Variants in FGF9 observed in about 807,000 individuals in gnomAD.
FGF9 encodes the protein fibroblast growth factor 9, also known as fibroblast growth factor 9 (glia-activating factor).
FGF9 carries 3 observed loss-of-function variants against 19.9 expected under a neutral mutation model. The observed-to-expected ratio is 0.15, with a 90% CI of 0.07 to 0.39. The LOEUF is 0.39. Among genes scored for constraint, FGF9 ranks in the 10% least tolerant of loss-of-function variants. The pLI, the probability that FGF9 is intolerant of heterozygous loss-of-function variation, is 1.00. For synonymous variants in FGF9, 107 were observed against 106.9 expected, an observed-to-expected ratio of 1.00 and a Z score of -0.01; for missense variants, 175 against 256.8, an observed-to-expected ratio of 0.68 and a Z score of 2.18.
chr13:21,682,379 T>C (rs1872061235), intron 2 of FGF9, among the ~76,000 whole-genome samples: 2 of 152,140 alleles, frequency 1.3e-5, no homozygotes, highest in Admixed American at 6.6e-5. Context: ...AAAAGAAGCT[T>C]AGAATGAGGA....
intron 2 of FGF9, among the ~76,000 whole-genome samples, chr13:21,687,636 G>A (rs1872192189): frequency 6.6e-6 from 1 of 152,184 alleles, no homozygotes; most frequent in Admixed American, 6.5e-5. Flanking sequence ...ACCTCAGGAT[G>A]ACTTGTTCCC....
rs963022623 is a variant in FGF9, at chr13:21,701,560, A to G, written c.*125A>G. 9.9e-6 allele frequency: 13 copies of G among 1,309,002 alleles called. No individual in the cohort carries two copies. The highest frequency in any genetic ancestry group is 4.4e-5 in the African/African-American group (3 of 68,286). 81.1% of individuals were successfully genotyped at this position (1,309,002 alleles called of 1,614,324 possible). ...ACTGTTGCCAAACTTTGTCGCATGC[A>G]TAATGTATGATGGAGGCTTGGATGG... On this transcript the variant is annotated 3_prime_UTR_variant, in exon 3 of 3. Transcript: ENST00000382353.
In FGF9 at chr13:21,702,864, A is replaced by T. The variant is rs1872578480; in HGVS notation, c.*1429A>T. ...ATGACAATGAGGGGGAAAGTATTAT[A>T]CTTGTTGACTGTGTTTTGTTTTTTA... On this transcript the variant is annotated 3_prime_UTR_variant, in exon 3 of 3. Transcript: ENST00000382353. 6.6e-6 allele frequency: 1 copy of T among 152,228 alleles called. No individual in the cohort carries two copies. 9.4% of individuals were successfully genotyped at this position (152,228 alleles called of 1,614,324 possible). A position where few individuals can be genotyped will look rare whatever the true frequency, so the allele number is the denominator to read the frequency against.
chr13:21,701,735 G>GTGTGTA lies in FGF9; in HGVS notation c.*306_*311dup, dbSNP rs1182202290. 5 of 381,204 alleles carry GTGTGTA rather than the reference G, an allele frequency of 1.3e-5. No individual in the cohort carries two copies. The highest frequency in any genetic ancestry group is 9.8e-5 in the South Asian group (4 of 40,712). 23.6% of individuals were successfully genotyped at this position (381,204 alleles called of 1,614,324 possible). A position where few individuals can be genotyped will look rare whatever the true frequency, so the allele number is the denominator to read the frequency against. On this transcript the variant is annotated 3_prime_UTR_variant, in exon 3 of 3. Transcript: ENST00000382353. ...TGTGTGTGTGTGTGTGTGTGTGTGT[G>GTGTGTA]TGTGTATGTGTGTAGCGGGAGATGT...
chr13:21,679,782 C>CAAAAA (rs760146847), intron 1 of FGF9, among the ~76,000 whole-genome samples: 3 of 52,436 alleles, frequency 5.7e-5, no homozygotes, highest in African/African-American at 2.0e-4. Context: ...ACTAAAAATA[C>CAAAAA]AAAAAAAAAA....
At chr13:21,701,072 TA>T in intron 2 of FGF9, 117 bp from the exon 3 acceptor site, 1 of 776,140 alleles carries the variant, frequency 1.3e-6, no homozygotes, top group South Asian at 1.5e-5. Flanking sequence ...GCAGGTTTGT[TA>T]AATAGATAAA....
At chr13:21,695,141 C>A (rs1229560934) in intron 2 of FGF9, among the ~76,000 whole-genome samples, 1 of 151,618 alleles carries the variant, frequency 6.6e-6, no homozygotes. Flanking sequence ...CAGCCTGGGA[C>A]CCATATCATT....
At chr13:21,688,506 G>A (rs999388816) in intron 2 of FGF9, among the ~76,000 whole-genome samples, 7 of 152,344 alleles carry the variant, frequency 4.6e-5, no homozygotes, top group Admixed American at 1.3e-4. Context: ...TGGTTTTAGA[G>A]ACGAGGAGGT....
At chr13:21,693,687 G>A (rs1872343628) in intron 2 of FGF9, among the ~76,000 whole-genome samples, 1 of 152,160 alleles carries the variant, frequency 6.6e-6, no homozygotes, top group South Asian at 2.1e-4. Context: ...GCCAACATTG[G>A]GAAGAGGATG....
chr13:21,675,501 G>T (rs745386859), intron 1 of FGF9, among the ~76,000 whole-genome samples: 1 of 152,048 alleles, frequency 6.6e-6, no homozygotes, highest in East Asian at 2.0e-4. Flanking sequence ...GGCGCCGGGA[G>T]GGGGCGAGGG....
intron 2 of FGF9, among the ~76,000 whole-genome samples, chr13:21,693,321 G>A (rs886958772): frequency 6.6e-6 from 1 of 152,064 alleles, no homozygotes; most frequent in African/African-American, 2.4e-5. Context: ...AGGGTGCCAG[G>A]GACAGCCTCA....
At chr13:21,695,359 C>T (rs1872384036) in intron 2 of FGF9, among the ~76,000 whole-genome samples, 1 of 152,052 alleles carries the variant, frequency 6.6e-6, no homozygotes, top group South Asian at 2.1e-4. Context: ...ATTGTTCCCA[C>T]AATTCTGGTG....
chr13:21,683,456 G>A (rs1199697736), intron 2 of FGF9, among the ~76,000 whole-genome samples: 1 of 152,178 alleles, frequency 6.6e-6, no homozygotes. Context: ...AAGCCCAGCT[G>A]TCTTCTTAGG....
chr13:21,693,798 G>T (rs1395938358), intron 2 of FGF9, among the ~76,000 whole-genome samples: 1 of 152,126 alleles, frequency 6.6e-6, no homozygotes, highest in Non-Finnish European at 1.5e-5. Flanking sequence ...GGCCAAAGTG[G>T]CTGTCTTCTT....
intron 1 of FGF9, among the ~76,000 whole-genome samples, chr13:21,679,404 T>C (rs1185627141): frequency 6.6e-6 from 1 of 152,204 alleles, no homozygotes; most frequent in African/African-American, 2.4e-5. Flanking sequence ...TTGTGAGAGT[T>C]GCAGAATTAA....
At chr13:21,690,025 C>A (rs941467851) in intron 2 of FGF9, among the ~76,000 whole-genome samples, 5 of 152,200 alleles carry the variant, frequency 3.3e-5, no homozygotes, top group African/African-American at 1.2e-4. Context: ...TCAACCAGAG[C>A]CTCAGTGTCA....
intron 1 of FGF9, among the ~76,000 whole-genome samples, chr13:21,676,408 T>C (rs1684242194): frequency 6.6e-6 from 1 of 152,236 alleles, no homozygotes; most frequent in South Asian, 2.1e-4. Context: ...AATTCTGTTC[T>C]ATGTATCTGA....
intron 2 of FGF9, among the ~76,000 whole-genome samples, chr13:21,687,624 G>A (rs1400348567): frequency 2.0e-5 from 3 of 152,190 alleles, no homozygotes; most frequent in African/African-American, 7.2e-5. Flanking sequence ...GTTCTGCAGA[G>A]CACCTCAGGA....
At chr13:21,693,763 C>T (rs925524590) in intron 2 of FGF9, among the ~76,000 whole-genome samples, 6 of 152,086 alleles carry the variant, frequency 3.9e-5, no homozygotes, top group African/African-American at 7.2e-5. Flanking sequence ...AGTGGTCTCC[C>T]GGGGAAGAGA....
Sources: gnomAD v4.1 joint callset for allele counts (sites outside exome capture counted in the v4.1 genomes callset) on GRCh38, gnomAD v4.1.1 for gene constraint, MANE v1.5 for transcripts, NCBI Gene and HGNC (gene_info 2026-07-23, HGNC 2026-07-21) for gene names.